DDC: variants seen among roughly 807,000 people sequenced by gnomAD.
The protein encoded by DDC is dopa decarboxylase, also known as aromatic-L-amino-acid decarboxylase.
DDC carries 43 observed loss-of-function variants against 60.0 expected under a neutral mutation model. The ratio of observed to expected loss-of-function variants is 0.72; its 90% CI spans 0.56 to 0.92. The LOEUF (loss-of-function observed/expected upper bound fraction) is 0.92. Among genes scored for constraint, DDC ranks in the 40% least tolerant of loss-of-function variants. The pLI, the probability that DDC is intolerant of heterozygous loss-of-function variation, is 0.00. For synonymous variants in DDC, 232 were observed against 234.6 expected, an observed-to-expected ratio of 0.99 and a Z score of 0.10; for missense variants, 573 against 620.2, an observed-to-expected ratio of 0.92 and a Z score of 0.81.
intron 6 of DDC, among the ~76,000 whole-genome samples, chr7:50,516,673 G>A (rs181946684): frequency 1.3e-5 from 2 of 152,000 alleles, no homozygotes; most frequent in Admixed American, 1.3e-4. Context: ...AAAATTGATA[G>A]ACCATTAGCA....
intron 4 of DDC, among the ~76,000 whole-genome samples, chr7:50,530,875 A>G (rs1221984732): frequency 6.6e-6 from 1 of 152,138 alleles, no homozygotes; most frequent in Non-Finnish European, 1.5e-5. Context: ...AGAAATGCTA[A>G]CCTCTCTTCT....
chr7:50,561,876 C>T (rs906208942), intron 1 of DDC, among the ~76,000 whole-genome samples: 2 of 152,116 alleles, frequency 1.3e-5, no homozygotes, highest in Admixed American at 1.3e-4. Flanking sequence ...ACACCATGCA[C>T]ACTTATGCAT....
At chr7:50,466,447 T>C (rs985686869) in intron 13 of DDC, among the ~76,000 whole-genome samples, 2 of 136,434 alleles carry the variant, frequency 1.5e-5, no homozygotes, top group African/African-American at 5.6e-5. Context: ...ATTACACCAC[T>C]GCACTCCAGC....
At chr7:50,475,985 T>C (rs1807066) in intron 11 of DDC, among the ~76,000 whole-genome samples, 117,339 of 152,040 alleles carry the variant, frequency 0.77, 45,489 homozygotes, top group Admixed American at 0.84. Flanking sequence ...CCACAGCACC[T>C]GGCCACAGGT....
intron 1 of DDC, among the ~76,000 whole-genome samples, chr7:50,548,408 T>A (rs1349935434): frequency 6.6e-6 from 1 of 152,174 alleles, no homozygotes; most frequent in African/African-American, 2.4e-5. Flanking sequence ...TGAAGGAAAT[T>A]AGAAGTATAA....
intron 10 of DDC, among the ~76,000 whole-genome samples, chr7:50,478,212 C>CAAA (rs61539310): frequency 5.7e-4 from 85 of 149,454 alleles, no homozygotes; most frequent in African/African-American, 2.0e-3. Flanking sequence ...AACCCTGTCT[C>CAAA]AAAAAAAAAA....
At chr7:50,563,067 T>A (rs540234956) in intron 1 of DDC, among the ~76,000 whole-genome samples, 58 of 151,284 alleles carry the variant, frequency 3.8e-4, no homozygotes, top group African/African-American at 1.3e-3. Context: ...CTCAGGAGGC[T>A]GAGGCAGGAG....
At chr7:50,531,433 G>A (rs2044203474) in intron 4 of DDC, among the ~76,000 whole-genome samples, 1 of 152,098 alleles carries the variant, frequency 6.6e-6, no homozygotes, top group Non-Finnish European at 1.5e-5. Flanking sequence ...TGCTTGACAA[G>A]CAGGCGTGAC....
chr7:50,543,843 A>T (rs199850882), intron 2 of DDC, 42 bp downstream of exon 2: 2 of 1,578,678 alleles, frequency 1.3e-6, no homozygotes, highest in Non-Finnish European at 1.7e-6. Context: ...GTGCTATGTG[A>T]GTTCTAGCCC....
intron 1 of DDC, among the ~76,000 whole-genome samples, chr7:50,551,578 T>C (rs1487332135): frequency 1.3e-5 from 2 of 152,170 alleles, no homozygotes; most frequent in African/African-American, 2.4e-5. Flanking sequence ...TTCGTGTGTT[T>C]CTTTGCCATT....
At chr7:50,490,678 G>C (rs779222426) in intron 9 of DDC, among the ~76,000 whole-genome samples, 10 of 152,106 alleles carry the variant, frequency 6.6e-5, no homozygotes, top group Non-Finnish European at 1.3e-4. Flanking sequence ...AACAGAGCAA[G>C]GCTCTGTCTC....
chr7:50,480,771 T>A (rs1304461153), intron 9 of DDC, among the ~76,000 whole-genome samples: 1 of 152,156 alleles, frequency 6.6e-6, no homozygotes, highest in Admixed American at 6.5e-5. Context: ...CCTGCTGGCA[T>A]CAGTAAGTGT....
At chr7:50,543,862 T>C (rs1268405744) in intron 2 of DDC, 23 bp downstream of exon 2, 11 of 1,611,928 alleles carry the variant, frequency 6.8e-6, no homozygotes, top group Non-Finnish European at 8.5e-6. Flanking sequence ...CCTCCTGTTT[T>C]CTGACCTTGG....
chr7:50,541,457 A>G (rs540634294), intron 2 of DDC: 1 of 152,248 alleles, frequency 6.6e-6, no homozygotes, highest in Non-Finnish European at 1.5e-5. Context: ...CCCCAAAGTG[A>G]TGGCATTAAG....
intron 6 of DDC, among the ~76,000 whole-genome samples, chr7:50,511,276 T>C (rs546457912): frequency 3.1e-4 from 47 of 150,976 alleles, no homozygotes; most frequent in Middle Eastern, 7.0e-3. Flanking sequence ...AAGATAGAGA[T>C]ATAATAGAGT....
At chr7:50,553,273 C>T (rs1408457224) in intron 1 of DDC, among the ~76,000 whole-genome samples, 2 of 152,006 alleles carry the variant, frequency 1.3e-5, no homozygotes, top group Non-Finnish European at 2.9e-5. Flanking sequence ...CTTTTCCATC[C>T]TGATGAAAAA....
At chr7:50,542,148 A>G (rs2044653821) in intron 2 of DDC, 1 of 152,252 alleles carries the variant, frequency 6.6e-6, no homozygotes, top group African/African-American at 2.4e-5. Context: ...TCAGGAGGAA[A>G]AAACAGTGAA....
chr7:50,529,315 C>T lies in DDC; in HGVS notation c.463G>A (p.Ala155Thr). The change falls in exon 5 of 15, where the codon GCC (alanine) becomes ACC (threonine). Residue 155 changes from alanine to threonine, a missense_variant. Transcript: ENST00000444124. ...QGSASEATLV[A>T]LLAARTKVIH... ...ACTTTGGTCCGAGCGGCCAGCAGGG[C>T]CACCAGGGTGGCTTCACTGGCACTT... The T allele has an allele frequency of 6.2e-7, 1 of 1,614,152 alleles. No individual in the cohort carries two copies. The highest frequency in any genetic ancestry group is 8.5e-7 in the Non-Finnish European group (1 of 1,180,026).
At position 50,502,819 on chromosome 7, in the gene DDC, G is replaced by A. The variant is rs187463738; in HGVS notation, c.781+1174C>T. On this transcript the variant is annotated intron_variant, in intron 7 of 14. Coordinates refer to ENST00000444124, the MANE Select transcript of DDC (RefSeq NM_001082971.2). ...AATTTATCCTCTGAATAATCGTGTG[G>A]GGAAATCTTGTTATTTTATGAGCAC... is the stretch of plus-strand genomic sequence containing the variant. 1.6e-4 allele frequency among the ~76,000 whole-genome samples: 24 copies of A among 152,294 alleles called. No homozygotes were observed. In the East Asian group the frequency reaches 4.6e-3, roughly 29 times the overall value.
Sources: gnomAD v4.1 joint callset for allele counts (sites outside exome capture counted in the v4.1 genomes callset) on GRCh38, gnomAD v4.1.1 for gene constraint, MANE v1.5 for transcripts, NCBI Gene and HGNC (gene_info 2026-07-23, HGNC 2026-07-21) for gene names.